Variants in UPP2 observed in about 807,000 individuals in gnomAD.
UPP2 encodes UPase 2.
Under a neutral mutation model 26.7 loss-of-function variants are expected in UPP2, and 23 were observed. The observed-to-expected ratio is 0.86, with a 90% CI of 0.62 to 1.22. The LOEUF (loss-of-function observed/expected upper bound fraction) is 1.22, where lower values mean the gene tolerates loss of function less well. Among genes scored for constraint, UPP2 ranks in the 50% most tolerant of loss-of-function variants. The pLI is 0.00. For synonymous variants in UPP2, 127 were observed against 141.3 expected (o/e 0.90, Z 0.72); for missense variants, 387 against 396.7 (o/e 0.98, Z 0.21).
At chr2:158,128,624 T>G (rs1017107809) in intron 6 of UPP2, among the ~76,000 whole-genome samples, 4 of 152,242 alleles carry the variant, frequency 2.6e-5, no homozygotes, top group Non-Finnish European at 4.4e-5. Flanking sequence ...GGGAAACAGG[T>G]GAGCTGGACT....
chr2:158,028,877 C>T (rs1683876523), intron 3 of UPP2, among the ~76,000 whole-genome samples: 1 of 152,316 alleles, frequency 6.6e-6, no homozygotes, highest in East Asian at 1.9e-4. Flanking sequence ...TATTCACTAC[C>T]ATAAGAACAG....
intron 6 of UPP2, among the ~76,000 whole-genome samples, chr2:158,131,542 C>T (rs2105235072): frequency 6.6e-6 from 1 of 152,282 alleles, no homozygotes; most frequent in Non-Finnish European, 1.5e-5. Flanking sequence ...TTCAAAGCAG[C>T]CATAAATGTT....
intron 3 of UPP2, among the ~76,000 whole-genome samples, chr2:158,040,299 ATTGT>A (rs1558911778): frequency 6.6e-6 from 1 of 152,214 alleles, no homozygotes; most frequent in African/African-American, 2.4e-5. Context: ...CCTCAGTTAT[ATTGT>A]TTGTATCAAC....
chr2:158,031,283 G>A (rs532094452), intron 3 of UPP2, among the ~76,000 whole-genome samples: 1 of 152,128 alleles, frequency 6.6e-6, no homozygotes, highest in African/African-American at 2.4e-5. Context: ...ATTCACTCAC[G>A]TAAGGTCCTG....
At chr2:158,047,217 C>A (rs1235362762) in intron 3 of UPP2, among the ~76,000 whole-genome samples, 2 of 152,152 alleles carry the variant, frequency 1.3e-5, no homozygotes, top group Non-Finnish European at 2.9e-5. Context: ...ACATCTTTAT[C>A]AGGAACTCCA....
intron 3 of UPP2, among the ~76,000 whole-genome samples, chr2:158,059,033 G>A (rs1012157480): frequency 6.6e-6 from 1 of 152,118 alleles, no homozygotes; most frequent in Non-Finnish European, 1.5e-5. Context: ...AGTCAGCTGA[G>A]GAGGTCAAAG....
chr2:158,031,821 T>A lies in UPP2; in HGVS notation c.147+15935T>A, dbSNP rs1391487234. ...TTTTTGGTTTTCTTCAAAACTGGAATCCCTTGGATGGGTAAAATACTAGCG... is the reference window on the plus strand; with the variant it reads ...TTTTTGGTTTTCTTCAAAACTGGAAACCCTTGGATGGGTAAAATACTAGCG... On this transcript the variant is annotated intron_variant, in intron 3 of 9. Coordinates refer to the UPP2 transcript ENST00000605860. Among the ~76,000 whole-genome samples the A allele has an allele frequency of 6.0e-4, 92 of 152,362 alleles. 4 individuals are homozygous for A. The South Asian group carries it at 0.018, about 30-fold the overall frequency.
At chr2:158,042,417 C>T (rs1208718696) in intron 3 of UPP2, among the ~76,000 whole-genome samples, 4 of 152,092 alleles carry the variant, frequency 2.6e-5, no homozygotes, top group Admixed American at 2.6e-4. Flanking sequence ...ACAGATGCCG[C>T]CCTTCCCCCA....
At chr2:158,042,844 G>A (rs142993424) in intron 3 of UPP2, among the ~76,000 whole-genome samples, 208 of 152,258 alleles carry the variant, frequency 1.4e-3, no homozygotes, top group African/African-American at 4.8e-3. Flanking sequence ...TGTTGGTGGG[G>A]AGGAGGCCTT....
At chr2:158,081,293 A>C (rs1682722862) in intron 3 of UPP2, among the ~76,000 whole-genome samples, 1 of 152,166 alleles carries the variant, frequency 6.6e-6, no homozygotes, top group African/African-American at 2.4e-5. Flanking sequence ...TGTGCCCTGG[A>C]CCATATTTTT....
chr2:158,088,608 A>G lies in UPP2; in HGVS notation c.148-13432A>G, dbSNP rs1196680303. Among the ~76,000 whole-genome samples the G allele has an allele frequency of 2.6e-5, 4 of 152,288 alleles. No homozygotes were observed. In the East Asian group the frequency reaches 7.7e-4, roughly 29 times the overall value. On this transcript the variant is annotated intron_variant, in intron 3 of 9. Coordinates refer to the UPP2 transcript ENST00000605860. ...TTCTGGTTCCTTCTCATATGGGTAGACTATGTCAGAGGGAAGATCTTGGGC... is the reference window on the plus strand; with the variant it reads ...TTCTGGTTCCTTCTCATATGGGTAGGCTATGTCAGAGGGAAGATCTTGGGC...
At chr2:158,059,058 A>G (rs1056387134) in intron 3 of UPP2, among the ~76,000 whole-genome samples, 1 of 152,218 alleles carries the variant, frequency 6.6e-6, no homozygotes, top group Non-Finnish European at 1.5e-5. Context: ...GGGCTTTGTT[A>G]TTAGCTAAGC....
At chr2:158,012,071 G>A (rs1279851843) in intron 2 of UPP2, among the ~76,000 whole-genome samples, 1 of 151,908 alleles carries the variant, frequency 6.6e-6, no homozygotes, top group Non-Finnish European at 1.5e-5. Context: ...TCTCCTCTGC[G>A]GTCCTGCCTT....
rs374142464 is a variant in UPP2 at position 158,128,898 on chromosome 2, T to G, written c.811+5003T>G. Among the ~76,000 whole-genome samples, 27 of 152,294 alleles carry G rather than the reference T, an allele frequency of 1.8e-4. 1 individual carries two copies. The East Asian group carries it at 2.5e-3, about 14-fold the overall frequency. On this transcript the variant is annotated intron_variant, in intron 6 of 6. Transcript: ENST00000005756. Reference sequence around the variant, plus strand: ...AAACATTAAGCAGATACTTATTTTATAGTATGCAGAGCCCTCATTTTGCCA... The same window carrying G: ...AAACATTAAGCAGATACTTATTTTAGAGTATGCAGAGCCCTCATTTTGCCA...
intron 2 of UPP2, among the ~76,000 whole-genome samples, chr2:158,011,236 C>G (rs1294327698): frequency 6.6e-6 from 1 of 152,062 alleles, no homozygotes; most frequent in East Asian, 1.9e-4. Flanking sequence ...CAGAAGAATG[C>G]GAAGGTAATG....
At chr2:158,045,819 G>C (rs145684008) in intron 3 of UPP2, among the ~76,000 whole-genome samples, 6 of 152,280 alleles carry the variant, frequency 3.9e-5, no homozygotes, top group African/African-American at 1.4e-4. Context: ...AAGGCCATCA[G>C]CCACCACCCA....
chr2:158,104,077 A>G (rs138657346), intron 1 of UPP2, among the ~76,000 whole-genome samples: 234 of 152,352 alleles, frequency 1.5e-3, no homozygotes, highest in Non-Finnish European at 2.9e-3. Flanking sequence ...TAATTCAACA[A>G]TAGAATTTGT....
At chr2:158,027,368 A>C (rs1042180114) in intron 3 of UPP2, among the ~76,000 whole-genome samples, 1 of 152,194 alleles carries the variant, frequency 6.6e-6, no homozygotes, top group Non-Finnish European at 1.5e-5. Context: ...GACCCATGCA[A>C]GTCCGAAATC....
chr2:158,110,786 T>C (rs867095147), intron 2 of UPP2, among the ~76,000 whole-genome samples: 74 of 152,346 alleles, frequency 4.9e-4, no homozygotes, highest in Middle Eastern at 6.8e-3. Context: ...CATTTTTTCA[T>C]GTGTTTTTTG....
Sources: gnomAD v4.1 joint callset for allele counts (sites outside exome capture counted in the v4.1 genomes callset) on GRCh38, gnomAD v4.1.1 for gene constraint, MANE v1.5 for transcripts, NCBI Gene and HGNC (gene_info 2026-07-23, HGNC 2026-07-21) for gene names.